Variants in NAP1L4 observed in about 807,000 individuals in gnomAD.
NAP1L4 encodes the protein nucleosome assembly protein 1-like 4.
In NAP1L4, 15 loss-of-function variants were observed where a neutral mutation model predicts 58.2. The observed-to-expected ratio is 0.26, with a 90% CI of 0.17 to 0.40. The LOEUF (loss-of-function observed/expected upper bound fraction) is 0.40, where lower values mean the gene tolerates loss of function less well. Ranked by LOEUF, NAP1L4 falls within the 10% of genes least tolerant of loss-of-function variation. The probability of loss-of-function intolerance (pLI) is 1.00; values close to 1 mark genes in which losing one functional copy is unlikely to be tolerated. For synonymous variants in NAP1L4, 171 were observed against 155.6 expected, an observed-to-expected ratio of 1.10 and a Z score of -0.74; for missense variants, 384 against 451.1, an observed-to-expected ratio of 0.85 and a Z score of 1.35.
intron 1 of NAP1L4, among the ~76,000 whole-genome samples, chr11:2,986,439 A>G (rs558829271): frequency 1.3e-3 from 200 of 151,986 alleles, no homozygotes; most frequent in Admixed American, 3.5e-3. Flanking sequence ...AAAGCTAGAG[A>G]GTGTAGTCGT....
chr11:2,966,990 G>A (rs763670697), intron 7 of NAP1L4, among the ~76,000 whole-genome samples: 12 of 152,176 alleles, frequency 7.9e-5, no homozygotes, highest in African/African-American at 2.4e-4. Flanking sequence ...TGGAGGCATC[G>A]CACTCAGATC....
In NAP1L4 at chr11:2,971,438, A is replaced by T. The variant is rs1165334650; in HGVS notation, c.402+10T>A. The T allele has an allele frequency of 6.2e-7, 1 of 1,612,096 alleles. No individual in the cohort carries two copies. Among genetic ancestry groups the T allele is most frequent in the Admixed American group, 1.7e-5 (1 of 59,932 alleles). ...AACAGAACATGAGTCACATGTTTCT[A>T]AAGACTTACAGCCAATTTCTCTTCC... On this transcript the variant is annotated intron_variant, in intron 6 of 15. Coordinates refer to ENST00000380542, the MANE Select transcript of NAP1L4 (RefSeq NM_005969.4). The surrounding 1 kb of genome is among the most constrained non-coding windows in gnomAD (Gnocchi z 4.2).
Position 2,959,754 on chromosome 11 carries a change from A to G in NAP1L4, c.746+16T>C. 6.2e-7 allele frequency: 1 copy of G among 1,609,828 alleles called. No individual in the cohort carries two copies. The highest frequency in any genetic ancestry group is 8.5e-7 in the Non-Finnish European group (1 of 1,178,686). On this transcript the variant is annotated intron_variant, in intron 9 of 15. Coordinates refer to ENST00000380542, the MANE Select transcript of NAP1L4 (RefSeq NM_005969.4). The surrounding 1 kb of genome is among the most constrained non-coding windows in gnomAD (Gnocchi z 4.9). ...ATTTTGTTTCAGAAAAACAAGGTAG[A>G]ATGACATTTTCTTACCCGTCACAGT... is the stretch of plus-strand genomic sequence containing the variant.
chr11:2,957,405 C>G (rs145274151), intron 10 of NAP1L4, among the ~76,000 whole-genome samples: 1 of 152,200 alleles, frequency 6.6e-6, no homozygotes, highest in East Asian at 1.9e-4. Flanking sequence ...CTCTGAAGGG[C>G]AGCTTGATAA....
At position 2,959,009 on chromosome 11, in the gene NAP1L4, G is replaced by C. The variant is rs1021743227; in HGVS notation, c.747-465C>G. On this transcript the variant is annotated intron_variant, in intron 9 of 15. Transcript: ENST00000380542. The surrounding 1 kb of genome is among the most constrained non-coding windows in gnomAD (Gnocchi z 4.9). Reference sequence around the variant, plus strand: ...ACTCCAGCCCCAGGGATGCTGGCGAGGGCTGAGCACAGCACGCTCTCTCTA... The same window carrying C: ...ACTCCAGCCCCAGGGATGCTGGCGACGGCTGAGCACAGCACGCTCTCTCTA... The C allele has an allele frequency of 2.3e-5, 4 of 175,422 alleles. No homozygotes were observed. Among genetic ancestry groups the C allele is most frequent in the Non-Finnish European group, 3.7e-5 (3 of 81,250 alleles). The allele number at this position is 175,422 out of a possible 1,614,324, so 10.9% of individuals were successfully genotyped here.
chr11:2,951,154 G>A lies in NAP1L4; in HGVS notation c.1122+105C>T. ...ACACATTTTAAACTTTCTAATTAGG[G>A]AATAATGAATATTGTTAACACTACT... On this transcript the variant is annotated intron_variant, in intron 14 of 15. Coordinates refer to ENST00000380542, the MANE Select transcript of NAP1L4 (RefSeq NM_005969.4). This position sits in a 1 kb window ranked among gnomAD's most constrained non-coding sequence, Gnocchi z 4.0. The A allele has an allele frequency of 2.4e-6, 2 of 840,028 alleles. No individual in the cohort carries two copies. Among genetic ancestry groups the A allele is most frequent in the Non-Finnish European group, 2.0e-6 (1 of 506,866 alleles). The allele number at this position is 840,028 out of a possible 1,614,324, so 52.0% of individuals were successfully genotyped here.
At chr11:2,975,721 TAGG>T (rs970053102) in intron 4 of NAP1L4, among the ~76,000 whole-genome samples, 2 of 152,058 alleles carry the variant, frequency 1.3e-5, no homozygotes, top group Admixed American at 1.3e-4. Context: ...TAGTTTAACT[TAGG>T]AGCCACCAGC....
chr11:2,968,988 G>GTTTTTTTTTTTTTTTT (rs61176259), intron 7 of NAP1L4, among the ~76,000 whole-genome samples: 1 of 113,580 alleles, frequency 8.8e-6, no homozygotes, highest in Non-Finnish European at 1.9e-5. Flanking sequence ...TTGTTGTGTT[G>GTTTTTTTTTTTTTTTT]TTTTTTTTTT....
At chr11:2,975,124 A>C (rs1314784349) in intron 4 of NAP1L4, among the ~76,000 whole-genome samples, 1 of 151,032 alleles carries the variant, frequency 6.6e-6, no homozygotes. Context: ...CCAATTATAG[A>C]TGGAAGCCCA....
chr11:2,974,031 G>C (rs1480945468), intron 4 of NAP1L4, among the ~76,000 whole-genome samples: 1 of 152,164 alleles, frequency 6.6e-6, no homozygotes, highest in Non-Finnish European at 1.5e-5. Flanking sequence ...GCCTCCCAAA[G>C]TGCTAGGATT....
At chr11:2,978,483 T>C (rs1383047178) in intron 2 of NAP1L4, 141 bp from the exon 3 acceptor site, 2 of 671,580 alleles carry the variant, frequency 3.0e-6, no homozygotes, top group Non-Finnish European at 5.1e-6. Flanking sequence ...ACTACCAATG[T>C]GCATGTTATC....
rs551572539 is a variant in NAP1L4 at position 2,984,513 on chromosome 11, G to A, written c.-17-5276C>T. On this transcript the variant is annotated intron_variant, in intron 1 of 15. Transcript: ENST00000380542. ...TTGAACCCAGGAGGCGGAAGTTGCAGTGAGCCGAGATCTCGCCATTGCACT... is the reference window on the plus strand; with the variant it reads ...TTGAACCCAGGAGGCGGAAGTTGCAATGAGCCGAGATCTCGCCATTGCACT... Among the ~76,000 whole-genome samples, 22 of 152,314 alleles carry A rather than the reference G, an allele frequency of 1.4e-4. No homozygotes were observed. The East Asian group carries it at 4.0e-3, about 28-fold the overall frequency.
In NAP1L4 at chr11:2,959,720, T is replaced by C. The variant is rs1288168699; in HGVS notation, c.746+50A>G. ...TATCTTACCCATCAAGTTACAAAATTATCTTTTGATTTTGTTTCAGAAAAA... is the reference window on the plus strand; with the variant it reads ...TATCTTACCCATCAAGTTACAAAATCATCTTTTGATTTTGTTTCAGAAAAA... On this transcript the variant is annotated intron_variant, in intron 9 of 15. Transcript: ENST00000380542. The surrounding 1 kb of genome is among the most constrained non-coding windows in gnomAD (Gnocchi z 4.9). 2 of 1,602,556 alleles carry C rather than the reference T, an allele frequency of 1.2e-6. No homozygotes were observed. Among genetic ancestry groups the C allele is most frequent in the African/African-American group, 2.7e-5 (2 of 74,372 alleles).
intron 1 of NAP1L4, among the ~76,000 whole-genome samples, chr11:2,980,720 A>C (rs1848251387): frequency 6.6e-6 from 1 of 152,150 alleles, no homozygotes; most frequent in South Asian, 2.1e-4. Flanking sequence ...CTTTAGGGTA[A>C]AACCAACAAC....
intron 1 of NAP1L4, among the ~76,000 whole-genome samples, chr11:2,982,090 A>C (rs1453322952): frequency 6.6e-6 from 1 of 152,186 alleles, no homozygotes; most frequent in Non-Finnish European, 1.5e-5. Flanking sequence ...TTAAAGAATG[A>C]GGTGTTTTTT....
At chr11:2,972,390 T>A (rs775579154) in intron 4 of NAP1L4, 147 bp from the exon 5 acceptor site, 69 of 554,668 alleles carry the variant, frequency 1.2e-4, no homozygotes, top group Non-Finnish European at 1.9e-4. Flanking sequence ...AAAAGGACAA[T>A]ACCCCAACAG....
intron 1 of NAP1L4, chr11:2,990,685 T>A (rs892560642): frequency 6.3e-6 from 1 of 157,758 alleles, no homozygotes; most frequent in African/African-American, 2.4e-5. Flanking sequence ...GCCTGGGTCT[T>A]TAAGCTTTGT....
At chr11:2,991,390 C>T (rs1848956700) in intron 1 of NAP1L4, 2 of 209,242 alleles carry the variant, frequency 9.6e-6, no homozygotes, top group South Asian at 1.2e-4. Context: ...CTTCCACCAT[C>T]TCTGAACTGA....
At chr11:2,963,267 C>T (rs1177195070) in intron 8 of NAP1L4, among the ~76,000 whole-genome samples, 2 of 152,046 alleles carry the variant, frequency 1.3e-5, no homozygotes, top group Admixed American at 6.5e-5. Flanking sequence ...CTTAAAGCAC[C>T]GCACGCTCAC....
Sources: gnomAD v4.1 joint callset for allele counts (sites outside exome capture counted in the v4.1 genomes callset) on GRCh38, gnomAD v4.1.1 for gene constraint, Gnocchi (gnomAD v3.1) non-coding constraint, MANE v1.5 for transcripts, NCBI Gene and HGNC (gene_info 2026-07-23, HGNC 2026-07-21) for gene names.